The following AKAP13 variants were observed in gnomAD, a reference collection of about 807,000 sequenced individuals.
AKAP13 encodes A-kinase anchoring protein 13.
In AKAP13, 80 loss-of-function variants were observed where a neutral mutation model predicts 264.5. The ratio of observed to expected loss-of-function variants is 0.30; its 90% CI spans 0.25 to 0.36. The LOEUF (loss-of-function observed/expected upper bound fraction) is 0.36, where lower values mean the gene tolerates loss of function less well. Ranked by LOEUF, AKAP13 falls within the 10% of genes least tolerant of loss-of-function variation. AKAP13 has a pLI of 1.00. For missense variants in AKAP13, 3,712 were observed against 3,435.2 expected, an observed-to-expected ratio of 1.08 and a Z score of -2.01; for synonymous variants, 1,380 against 1,250.2, an observed-to-expected ratio of 1.10 and a Z score of -2.19.
At chr15:85,438,235 A>G (rs2073424509) in intron 1 of AKAP13, among the ~76,000 whole-genome samples, 1 of 135,736 alleles carries the variant, frequency 7.4e-6, no homozygotes, top group Non-Finnish European at 1.5e-5. Context: ...AAAGAGAATA[A>G]AATACCTAGG....
At chr15:85,620,934 A>C (rs555346726) in intron 8 of AKAP13, among the ~76,000 whole-genome samples, 1 of 152,334 alleles carries the variant, frequency 6.6e-6, no homozygotes, top group South Asian at 2.1e-4. Flanking sequence ...TGGACAGCTC[A>C]AAGAGCACTT....
intron 5 of AKAP13, among the ~76,000 whole-genome samples, chr15:85,545,693 T>C (rs2077711091): frequency 1.3e-5 from 2 of 152,148 alleles, no homozygotes; most frequent in African/African-American, 4.8e-5. Context: ...TAATTAGCGA[T>C]TAAAAAATGG....
chr15:85,476,620 G>C (rs1755446252), intron 1 of AKAP13, among the ~76,000 whole-genome samples: 1 of 152,120 alleles, frequency 6.6e-6, no homozygotes, highest in African/African-American at 2.4e-5. Context: ...TAAGTAACTT[G>C]TCCAAGGTAA....
At chr15:85,730,863 C>T (rs1051167989) in intron 30 of AKAP13, among the ~76,000 whole-genome samples, 156 bp downstream of exon 30, 7 of 152,156 alleles carry the variant, frequency 4.6e-5, no homozygotes, top group Non-Finnish European at 7.3e-5. Context: ...AGGTGAATAT[C>T]CTTTTAACCA....
rs139293156 is a variant in AKAP13, at chr15:85,615,206, A to G, written c.4162-24168A>G. On this transcript the variant is annotated intron_variant, in intron 8 of 36. Coordinates refer to ENST00000394518, the MANE Select transcript of AKAP13 (RefSeq NM_007200.5). ...TAGCTGCTGCCAGTTAAATTGTCTT[A>G]AGTTTTCTTCTTGCAAAGATAGTAA... is the stretch of plus-strand genomic sequence containing the variant. 9.2e-5 allele frequency among the ~76,000 whole-genome samples: 14 copies of G among 152,310 alleles called. No homozygotes were observed. In the East Asian group the frequency reaches 2.7e-3, roughly 29 times the overall value.
intron 6 of AKAP13, chr15:85,578,013 G>A (rs1023641561): frequency 5.4e-6 from 1 of 183,718 alleles, no homozygotes; most frequent in Non-Finnish European, 1.0e-5. Flanking sequence ...GGGACACAGT[G>A]GTGTAGGCCC....
chr15:85,433,695 G>A (rs889909647), intron 1 of AKAP13, among the ~76,000 whole-genome samples: 2 of 152,036 alleles, frequency 1.3e-5, no homozygotes, highest in South Asian at 2.1e-4. Context: ...GGTGGCTCAC[G>A]CTTGTAATCC....
chr15:85,451,920 A>C (rs1368036659), intron 1 of AKAP13, among the ~76,000 whole-genome samples: 1 of 152,142 alleles, frequency 6.6e-6, no homozygotes, highest in Non-Finnish European at 1.5e-5. Flanking sequence ...CTCTCTAGCA[A>C]AGTTGGGAAA....
chr15:85,447,538 A>T (rs1360265389), intron 1 of AKAP13, among the ~76,000 whole-genome samples: 1 of 151,894 alleles, frequency 6.6e-6, no homozygotes, highest in Non-Finnish European at 1.5e-5. Flanking sequence ...ACCCCCAAAT[A>T]GACCCCAGTG....
At chr15:85,442,524 T>A (rs1308081881) in intron 1 of AKAP13, among the ~76,000 whole-genome samples, 1 of 113,470 alleles carries the variant, frequency 8.8e-6, no homozygotes, top group African/African-American at 3.3e-5. Flanking sequence ...ATATATTATA[T>A]TATATATAAT....
intron 1 of AKAP13, among the ~76,000 whole-genome samples, chr15:85,441,213 A>T (rs2073637281): frequency 6.7e-6 from 1 of 150,292 alleles, no homozygotes; most frequent in South Asian, 2.1e-4. Flanking sequence ...TCTTTTTTTT[A>T]ATGGCCGTTC....
intron 12 of AKAP13, among the ~76,000 whole-genome samples, chr15:85,660,517 A>T (rs1476719087): frequency 6.6e-6 from 1 of 152,168 alleles, no homozygotes. Flanking sequence ...ATTTTTAAGA[A>T]TGATGGTTTG....
At chr15:85,422,930 A>G (rs1371201818) in intron 1 of AKAP13, among the ~76,000 whole-genome samples, 2 of 152,240 alleles carry the variant, frequency 1.3e-5, no homozygotes, top group Non-Finnish European at 2.9e-5. Context: ...TAAAGTGAAC[A>G]TTGCGATAAA....
At chr15:85,712,123 C>A (rs371426101) in intron 19 of AKAP13, among the ~76,000 whole-genome samples, 1 of 152,100 alleles carries the variant, frequency 6.6e-6, no homozygotes, top group African/African-American at 2.4e-5. Context: ...CATGAGCCAC[C>A]GCACCCAGCC....
chr15:85,482,064 C>T (rs1473414240), intron 1 of AKAP13, among the ~76,000 whole-genome samples: 2 of 152,132 alleles, frequency 1.3e-5, no homozygotes, highest in African/African-American at 2.4e-5. Flanking sequence ...TATGCTCCTC[C>T]CTTTAGAACT....
At chr15:85,627,827 G>C (rs2081497500) in intron 8 of AKAP13, 1 of 152,252 alleles carries the variant, frequency 6.6e-6, no homozygotes, top group East Asian at 1.9e-4. Context: ...TCTGTGACGT[G>C]AAAGGCTATG....
intron 1 of AKAP13, among the ~76,000 whole-genome samples, chr15:85,434,237 C>T (rs905001642): frequency 1.3e-5 from 2 of 152,072 alleles, no homozygotes; most frequent in African/African-American, 2.4e-5. Flanking sequence ...CGGGTCACTC[C>T]CACCCGAATA....
At chr15:85,585,564 G>A (rs1457456066) in intron 7 of AKAP13, 138 bp from the exon 8 acceptor site, 25 of 1,226,980 alleles carry the variant, frequency 2.0e-5, no homozygotes, top group Middle Eastern at 2.0e-4. Context: ...GACACTAGCC[G>A]CTGACAACAA....
intron 4 of AKAP13, chr15:85,535,682 T>C (rs1400329866): frequency 6.6e-6 from 1 of 152,216 alleles, no homozygotes; most frequent in Non-Finnish European, 1.5e-5. Context: ...GGTTTTGTTT[T>C]GTCTTGTTTA....
Sources: allele counts gnomAD v4.1 joint callset (sites outside exome capture counted in the v4.1 genomes callset), GRCh38; gene constraint gnomAD v4.1.1; transcripts MANE v1.5; gene names NCBI Gene and HGNC (gene_info 2026-07-23, HGNC 2026-07-21).